The following SDHAF4 variants were observed in gnomAD, a reference collection of about 807,000 sequenced individuals.
SDHAF4 encodes succinate dehydrogenase assembly factor 4, mitochondrial.
A neutral mutation model predicts 14.3 loss-of-function variants in SDHAF4; 14 were observed. The ratio of observed to expected loss-of-function variants is 0.98; its 90% CI spans 0.65 to 1.53. SDHAF4 has a LOEUF of 1.53. SDHAF4 is among the 40% of genes most tolerant of loss of function. SDHAF4 has a pLI of 0.00. For synonymous variants in SDHAF4, 63 were observed against 47.3 expected (o/e 1.33, Z -1.36); for missense variants, 141 against 129.3 (o/e 1.09, Z -0.44).
chr6:70,596,277 G>C, the SDHAF4 span, among the ~76,000 whole-genome samples: 7 of 152,166 alleles, frequency 4.6e-5, no homozygotes, highest in Non-Finnish European at 8.8e-5. Context: ...CAGCCAATGA[G>C]TGAGAATGGC....
chr6:70,590,023 A>G (rs544314245), downstream of SDHAF4, among the ~76,000 whole-genome samples: 3 of 152,192 alleles, frequency 2.0e-5, no homozygotes, highest in Admixed American at 6.5e-5. Context: ...CAATCACTTG[A>G]GGTCAGGAGT....
chr6:70,594,841 G>C, the SDHAF4 span, among the ~76,000 whole-genome samples: 1 of 151,998 alleles, frequency 6.6e-6, no homozygotes, highest in Admixed American at 6.6e-5. Flanking sequence ...GAACCCGGGA[G>C]GCGGAGGTTG....
chr6:70,587,504 A>G (rs1359097331), intron 2 of SDHAF4, among the ~76,000 whole-genome samples: 3 of 152,198 alleles, frequency 2.0e-5, no homozygotes, highest in Non-Finnish European at 4.4e-5. Flanking sequence ...AAAAAACAAA[A>G]CAAAACAAAG....
intron 1 of SDHAF4, among the ~76,000 whole-genome samples, chr6:70,572,658 T>G (rs1802199750): frequency 6.6e-6 from 1 of 152,146 alleles, no homozygotes; most frequent in South Asian, 2.1e-4. Flanking sequence ...GGTTTTTTTT[T>G]TAAACATGCA....
downstream of SDHAF4, among the ~76,000 whole-genome samples, chr6:70,592,012 C>T (rs1276016292): frequency 6.6e-6 from 1 of 152,222 alleles, no homozygotes; most frequent in Non-Finnish European, 1.5e-5. Context: ...AGCATCTGAG[C>T]CCACTCAGCC....
downstream of SDHAF4, among the ~76,000 whole-genome samples, chr6:70,592,093 C>A (rs1765262879): frequency 6.6e-6 from 1 of 152,208 alleles, no homozygotes; most frequent in Non-Finnish European, 1.5e-5. Context: ...AAGGCCCTGG[C>A]CAGATGTGCC....
At chr6:70,567,072 C>T in intron 1 of SDHAF4, 68 bp downstream of exon 1, 1 of 1,457,464 alleles carries the variant, frequency 6.9e-7, no homozygotes, top group Non-Finnish European at 9.4e-7. Flanking sequence ...GAGAGAAGCG[C>T]CTCCCGCGGA....
intron 2 of SDHAF4, among the ~76,000 whole-genome samples, chr6:70,586,428 C>CA (rs71538425): frequency 1.2e-5 from 1 of 80,304 alleles, no homozygotes; most frequent in Non-Finnish European, 2.4e-5. Flanking sequence ...ATTTGTTTGC[C>CA]TTTTTTTTTT....
At chr6:70,574,102 C>T (rs1001637759) in intron 1 of SDHAF4, among the ~76,000 whole-genome samples, 4 of 151,858 alleles carry the variant, frequency 2.6e-5, no homozygotes, top group African/African-American at 4.8e-5. Context: ...GGGTGGGTCA[C>T]CTGAGGTCAG....
chr6:70,582,666 G>T (rs190611151), intron 2 of SDHAF4, among the ~76,000 whole-genome samples: 1 of 152,122 alleles, frequency 6.6e-6, no homozygotes, highest in Non-Finnish European at 1.5e-5. Context: ...TTTCACTCCT[G>T]CCTCTTCCTG....
downstream of SDHAF4, among the ~76,000 whole-genome samples, chr6:70,591,334 ATTTTTTTTTT>A (rs76350573): frequency 9.9e-6 from 1 of 101,230 alleles, no homozygotes; most frequent in Non-Finnish European, 2.0e-5. Context: ...GAGAGGAAAG[ATTTTTTTTTT>A]TTTTTTTTTT....
intron 2 of SDHAF4, among the ~76,000 whole-genome samples, chr6:70,581,785 T>G (rs921306027): frequency 1.3e-5 from 2 of 152,236 alleles, no homozygotes; most frequent in South Asian, 4.2e-4. Context: ...TTTAAAAAAT[T>G]TTTTTGTAGA....
the SDHAF4 span, among the ~76,000 whole-genome samples, chr6:70,595,945 G>T: frequency 6.6e-6 from 1 of 151,612 alleles, no homozygotes; most frequent in Non-Finnish European, 1.5e-5. Flanking sequence ...ATAGAAAAAA[G>T]ACAACTTATA....
the SDHAF4 span, among the ~76,000 whole-genome samples, chr6:70,597,816 T>C: frequency 6.6e-6 from 1 of 152,036 alleles, no homozygotes; most frequent in East Asian, 1.9e-4. Flanking sequence ...AGATATGGAG[T>C]GAGCAGAGTG....
chr6:70,586,196 C>T (rs1458897162), intron 2 of SDHAF4, among the ~76,000 whole-genome samples: 1 of 152,156 alleles, frequency 6.6e-6, no homozygotes, highest in Non-Finnish European at 1.5e-5. Context: ...AGGAGTATAA[C>T]TGACTTCTCT....
chr6:70,573,263 C>CTTTTTTT (rs1802207728), intron 1 of SDHAF4, among the ~76,000 whole-genome samples: 1 of 100,404 alleles, frequency 1.0e-5, no homozygotes, highest in African/African-American at 8.3e-5. Flanking sequence ...TGCTATTTGG[C>CTTTTTTT]CTTTTTTTTT....
chr6:70,569,535 C>T (rs188927349), intron 1 of SDHAF4, among the ~76,000 whole-genome samples: 2 of 152,330 alleles, frequency 1.3e-5, no homozygotes, highest in African/African-American at 2.4e-5. Flanking sequence ...TGAGCTGCCA[C>T]GCCCGGCCTT....
At chr6:70,571,438 C>T (rs555595283) in intron 1 of SDHAF4, among the ~76,000 whole-genome samples, 73 of 152,218 alleles carry the variant, frequency 4.8e-4, no homozygotes, top group African/African-American at 1.5e-3. Flanking sequence ...CCTCAGCCTC[C>T]GGAGTAGCTG....
intron 2 of SDHAF4, among the ~76,000 whole-genome samples, chr6:70,584,527 A>G (rs1410612808): frequency 6.6e-6 from 1 of 152,192 alleles, no homozygotes; most frequent in Non-Finnish European, 1.5e-5. Flanking sequence ...CCTTTCACAT[A>G]GTATAATGTG....
Sources: allele counts gnomAD v4.1 joint callset (sites outside exome capture counted in the v4.1 genomes callset), GRCh38; gene constraint gnomAD v4.1.1; transcripts MANE v1.5; gene names NCBI Gene and HGNC (gene_info 2026-07-23, HGNC 2026-07-21).